The following CYREN variants were observed in gnomAD, a reference collection of about 807,000 sequenced individuals.
CYREN encodes cell cycle regulator of non-homologous end joining.
In CYREN, 7 loss-of-function variants were observed where a neutral mutation model predicts 9.7. That is an observed-to-expected ratio of 0.72 (90% CI 0.41 to 1.36). CYREN has a LOEUF of 1.36. Among genes scored for constraint, CYREN ranks in the 40% most tolerant of loss-of-function variants. The pLI is 0.01. For missense variants in CYREN, 215 were observed against 198.1 expected, an observed-to-expected ratio of 1.09 and a Z score of -0.51; for synonymous variants, 76 against 77.9, an observed-to-expected ratio of 0.98 and a Z score of 0.13.
downstream of CYREN, among the ~76,000 whole-genome samples, chr7:135,162,027 A>T (rs1305403305): frequency 2.0e-5 from 3 of 152,240 alleles, no homozygotes; most frequent in East Asian, 3.8e-4. Context: ...TCTGCCAAAG[A>T]AGTCGCTGGT....
chr7:135,093,117 G>A (rs192664110), exon 3 of CYREN: 1 of 150,368 alleles, frequency 6.7e-6, no homozygotes, highest in East Asian at 2.0e-4. Context: ...TTCTCCCTGA[G>A]ACCTGGAACA....
chr7:135,147,676 C>G (rs1199541311), intron 2 of CYREN: 1 of 427,732 alleles, frequency 2.3e-6, no homozygotes, highest in African/African-American at 2.1e-5. Context: ...GGTTGGGGGA[C>G]AGACGGCATA....
intron 2 of CYREN, among the ~76,000 whole-genome samples, chr7:135,123,794 A>G (rs1331445830): frequency 6.6e-6 from 1 of 152,218 alleles, no homozygotes; most frequent in African/African-American, 2.4e-5. Context: ...GGCCAAACTA[A>G]TCTTCATAAG....
chr7:135,167,012 A>C, intron 3 of CYREN, 141 bp from the exon 4 acceptor site: 2 of 1,467,072 alleles, frequency 1.4e-6, no homozygotes, highest in Non-Finnish European at 1.8e-6. Context: ...TATCCTGAGC[A>C]CCCACCCTCT....
chr7:135,107,652 G>C (rs1297938031), intron 2 of CYREN, among the ~76,000 whole-genome samples: 1 of 152,130 alleles, frequency 6.6e-6, no homozygotes, highest in Non-Finnish European at 1.5e-5. Context: ...GTCAATTTTA[G>C]AGTATGTACC....
downstream of CYREN, chr7:135,164,466 C>T (rs774240687): frequency 1.1e-5 from 18 of 1,599,334 alleles, no homozygotes; most frequent in East Asian, 6.8e-5. Flanking sequence ...GCCTCGGTGG[C>T]GCGACCAGCT....
chr7:135,167,018 C>A, intron 3 of CYREN, 147 bp from the exon 4 acceptor site: 1 of 1,454,844 alleles, frequency 6.9e-7, no homozygotes, highest in East Asian at 2.4e-5. Flanking sequence ...GAGCACCCAC[C>A]CTCTCTTCAC....
intron 2 of CYREN, 43 bp downstream of exon 2, chr7:135,168,743 A>G: frequency 6.2e-7 from 1 of 1,601,900 alleles, no homozygotes; most frequent in Non-Finnish European, 8.5e-7. Flanking sequence ...CCCCTGCTCC[A>G]CTTGCCAGAT....
At chr7:135,107,919 A>T (rs1345373069) in intron 2 of CYREN, among the ~76,000 whole-genome samples, 5 of 151,952 alleles carry the variant, frequency 3.3e-5, no homozygotes, top group South Asian at 4.2e-4. Flanking sequence ...ATATATTTAG[A>T]ATACTTAGGT....
intron 2 of CYREN, among the ~76,000 whole-genome samples, chr7:135,119,863 C>T (rs143201052): frequency 0.013 from 2,000 of 152,016 alleles, 36 homozygotes; most frequent in African/African-American, 0.045. Context: ...GGTGACAGAG[C>T]GAGACTCCGT....
intron 2 of CYREN, among the ~76,000 whole-genome samples, chr7:135,142,279 A>C (rs1376024010): frequency 6.6e-6 from 1 of 152,136 alleles, no homozygotes; most frequent in Non-Finnish European, 1.5e-5. Flanking sequence ...TAAATACATC[A>C]AGTACATGGG....
intron 2 of CYREN, among the ~76,000 whole-genome samples, chr7:135,101,844 CAT>C (rs1003387353): frequency 1.3e-5 from 2 of 152,192 alleles, no homozygotes; most frequent in Admixed American, 1.3e-4. Flanking sequence ...ATAATTCCCA[CAT>C]GTTGTGGGAG....
chr7:135,127,496 T>C (rs958620010), intron 2 of CYREN, among the ~76,000 whole-genome samples: 1 of 151,078 alleles, frequency 6.6e-6, no homozygotes, highest in African/African-American at 2.4e-5. Context: ...GAGGTTGCAG[T>C]GAGCCAAGAT....
chr7:135,128,492 G>A (rs1828268318), intron 2 of CYREN: 2 of 756,270 alleles, frequency 2.6e-6, no homozygotes, highest in Non-Finnish European at 5.0e-6. Flanking sequence ...GCCCCAGTGA[G>A]TATTTACGAT....
At chr7:135,165,019 G>T, downstream of CYREN, 1 of 1,550,098 alleles carries the variant, frequency 6.5e-7, no homozygotes, top group Middle Eastern at 1.7e-4. Context: ...TGATTGCAAG[G>T]GTTCAGTTCC....
intron 2 of CYREN, among the ~76,000 whole-genome samples, chr7:135,139,293 T>C (rs568386284): frequency 6.6e-6 from 1 of 152,218 alleles, no homozygotes; most frequent in African/African-American, 2.4e-5. Flanking sequence ...TGTTGTGAGA[T>C]GGTATCTCAT....
chr7:135,123,092 C>T (rs199625450), intron 2 of CYREN, among the ~76,000 whole-genome samples: 7 of 152,204 alleles, frequency 4.6e-5, no homozygotes, highest in South Asian at 2.1e-4. Context: ...TAATAAAAAA[C>T]GGCTCTGAGC....
intron 2 of CYREN, among the ~76,000 whole-genome samples, chr7:135,159,766 AAAG>A (rs1427111528): frequency 1.3e-5 from 2 of 152,250 alleles, no homozygotes; most frequent in African/African-American, 2.4e-5. Context: ...GCACTTCACA[AAAG>A]AAGAAATACA....
intron 2 of CYREN, among the ~76,000 whole-genome samples, chr7:135,095,026 A>G (rs1400470416): frequency 1.3e-5 from 2 of 152,188 alleles, no homozygotes; most frequent in Admixed American, 1.3e-4. Flanking sequence ...CAGCAGTTCA[A>G]CATGGAGTAA....
Sources: allele counts gnomAD v4.1 joint callset (sites outside exome capture counted in the v4.1 genomes callset), GRCh38; gene constraint gnomAD v4.1.1; transcripts MANE v1.5; gene names NCBI Gene and HGNC (gene_info 2026-07-23, HGNC 2026-07-21).